The following CMYA5 variants were observed in gnomAD, a reference collection of about 807,000 sequenced individuals.
CMYA5 encodes cardiomyopathy-associated protein 5.
Under a neutral mutation model 318.9 loss-of-function variants are expected in CMYA5, and 246 were observed. The ratio of observed to expected loss-of-function variants is 0.77; its 90% CI spans 0.70 to 0.86. CMYA5 has a LOEUF of 0.86. CMYA5 is among the 40% of genes least tolerant of loss of function. CMYA5 has a pLI of 0.00. For synonymous variants in CMYA5, 1,641 were observed against 1,729.5 expected, an observed-to-expected ratio of 0.95 and a Z score of 1.27; for missense variants, 4,589 against 4,678.2, an observed-to-expected ratio of 0.98 and a Z score of 0.56.
intron 11 of CMYA5, among the ~76,000 whole-genome samples, chr5:79,792,074 T>C (rs150961999): frequency 6.6e-6 from 1 of 152,218 alleles, no homozygotes; most frequent in Admixed American, 6.5e-5. Flanking sequence ...CCCTGTCACA[T>C]TGCTACTTGC....
intron 1 of CMYA5, among the ~76,000 whole-genome samples, chr5:79,693,807 T>C (rs544260972): frequency 6.6e-6 from 1 of 152,270 alleles, no homozygotes; most frequent in Admixed American, 6.5e-5. Context: ...ATGAATAAGG[T>C]CTCTGCCCTG....
At chr5:79,743,569 G>C (rs1191746704) in intron 2 of CMYA5, among the ~76,000 whole-genome samples, 4 of 150,828 alleles carry the variant, frequency 2.7e-5, no homozygotes, top group Non-Finnish European at 5.9e-5. Flanking sequence ...TATCAAGAAA[G>C]TCCATTCTTT....
In CMYA5 at chr5:79,730,796, G is replaced by A. The variant is rs1362799861; in HGVS notation, c.2031G>A (p.Met677Ile). Residue 677 changes from methionine (M) to isoleucine (I), a missense_variant, in exon 2 of 13, where the codon ATG becomes ATA. Physicochemically the swap from Met to Ile is conservative, Grantham distance 10 (BLOSUM62 1). Coordinates refer to ENST00000446378, the MANE Select transcript of CMYA5 (RefSeq NM_153610.5). ...PLFSTVTPEY[M>I]VLSGDEASES... ...TTTCAACAGTTACACCAGAATACAT[G>A]GTCCTATCAGGAGACGAGGCCTCAG... 1.2e-6 allele frequency: 2 copies of A among 1,613,818 alleles called. No individual in the cohort carries two copies.
chr5:79,791,175 C>T (rs1829171948), intron 11 of CMYA5, 106 bp downstream of exon 11: 6 of 711,072 alleles, frequency 8.4e-6, no homozygotes, highest in Non-Finnish European at 1.5e-5. Context: ...GTGCAGTGAA[C>T]ATGTCGGGAT....
In CMYA5 at chr5:79,732,905, C is replaced by T; in HGVS notation, c.4140C>T (p.Ile1380=). 1 of 1,613,762 alleles carries T rather than the reference C, an allele frequency of 6.2e-7. No individual in the cohort carries two copies. Among genetic ancestry groups the T allele is most frequent in the Non-Finnish European group, 8.5e-7 (1 of 1,179,804 alleles). ...AAATCCCAACAGATTCATCTCTTAT[C>T]ACTCCTGTAGATCGTCCAGTCTTAA... is the stretch of plus-strand genomic sequence containing the variant. ...KEEIPTDSSL[I]TPVDRPVLTK... is the part of the protein sequence containing the mutation. Residue 1380 remains isoleucine, a synonymous_variant, in exon 2 of 13, where the codon ATC becomes ATT. Coordinates refer to ENST00000446378, the MANE Select transcript of CMYA5 (RefSeq NM_153610.5).
chr5:79,720,857 G>A (rs1327331512), intron 1 of CMYA5, among the ~76,000 whole-genome samples: 1 of 152,178 alleles, frequency 6.6e-6, no homozygotes, highest in African/African-American at 2.4e-5. Context: ...AATACTAAAG[G>A]GAGGAGGAAA....
chr5:79,771,086 A>C (rs558185561), intron 9 of CMYA5, among the ~76,000 whole-genome samples: 182 of 150,910 alleles, frequency 1.2e-3, no homozygotes, highest in African/African-American at 4.3e-3. Flanking sequence ...AAAAAAAAAA[A>C]CCAGACTTTT....
At chr5:79,740,015 TAAC>T (rs1316314732) in intron 2 of CMYA5, among the ~76,000 whole-genome samples, 1 of 151,856 alleles carries the variant, frequency 6.6e-6, no homozygotes, top group African/African-American at 2.4e-5. Context: ...TAAATAAAAA[TAAC>T]AGCAATAAAA....
chr5:79,725,291 G>A (rs2151082744), intron 1 of CMYA5, among the ~76,000 whole-genome samples: 1 of 152,318 alleles, frequency 6.6e-6, no homozygotes, highest in East Asian at 1.9e-4. Flanking sequence ...CCATAAATAA[G>A]AATTAAATCA....
intron 1 of CMYA5, among the ~76,000 whole-genome samples, chr5:79,690,646 T>G (rs971665474): frequency 1.3e-5 from 2 of 152,168 alleles, no homozygotes; most frequent in Admixed American, 6.5e-5. Flanking sequence ...GTACAAAAGA[T>G]GCACCTCCCA....
chr5:79,728,289 G>A (rs752390662), intron 1 of CMYA5, among the ~76,000 whole-genome samples: 7 of 151,954 alleles, frequency 4.6e-5, no homozygotes, highest in Non-Finnish European at 1.0e-4. Context: ...ATGTCAGATA[G>A]GGATTAGAGA....
intron 5 of CMYA5, among the ~76,000 whole-genome samples, chr5:79,748,496 C>CCTAT (rs1365625840): frequency 5.4e-4 from 78 of 144,762 alleles, no homozygotes; most frequent in East Asian, 1.4e-3. Context: ...TTCCGAGTTC[C>CCTAT]CTATCTATCT....
At chr5:79,789,188 C>T in intron 10 of CMYA5, 84 bp downstream of exon 10, 4 of 1,469,578 alleles carry the variant, frequency 2.7e-6, no homozygotes, top group Non-Finnish European at 3.7e-6. Flanking sequence ...TAGAGGGCAA[C>T]TTTATAAACT....
At position 79,732,136 on chromosome 5, in the gene CMYA5, A is replaced by G. The variant is rs746515453; in HGVS notation, c.3371A>G (p.Glu1124Gly). 2.2e-5 allele frequency: 35 copies of G among 1,613,842 alleles called. No individual in the cohort carries two copies. Among genetic ancestry groups the G allele is most frequent in the Non-Finnish European group, 2.8e-5 (33 of 1,179,872 alleles). Residue 1124 changes from glutamate (E) to glycine (G), a missense_variant, in exon 2 of 13, where the codon GAA becomes GGA. Coordinates refer to ENST00000446378, the MANE Select transcript of CMYA5 (RefSeq NM_153610.5). Reference protein sequence around the residue: ...KTQAYLEPESEDLIPSHLTSE... With the variant: ...KTQAYLEPESGDLIPSHLTSE... The stretch of plus-strand genomic sequence containing the variant: ...CAAGCATATTTAGAGCCTGAGTCTG[A>G]AGACTTGATTCCTTCACATTTAACC...
intron 9 of CMYA5, among the ~76,000 whole-genome samples, chr5:79,764,148 C>T (rs1828706503): frequency 6.6e-6 from 1 of 152,006 alleles, no homozygotes; most frequent in South Asian, 2.1e-4. Flanking sequence ...CTATCCCTCC[C>T]CTACCCCCCT....
At position 79,731,592 on chromosome 5, in the gene CMYA5, G is replaced by A. The variant is rs747537500; in HGVS notation, c.2827G>A (p.Gly943Arg). The change falls in exon 2 of 13, where the codon GGA becomes AGA. Residue 943 changes from glycine to arginine, a missense_variant. Gly to Arg is a moderately radical substitution (Grantham distance 125). This residue lies in a region of CMYA5 where 2,132 missense variants were observed against 2,131.3 expected (regional missense o/e 1.00). Transcript: ENST00000446378. ...ATCAGAAGAAGATCAAGAAGACATTGGACCTTTTTCTCCAGATTCTGCATT... is the reference window on the plus strand; with the variant it reads ...ATCAGAAGAAGATCAAGAAGACATTAGACCTTTTTCTCCAGATTCTGCATT... ...NLSEEDQEDI[G>R]PFSPDSAFVS... is the part of the protein sequence containing the mutation. 1 of 1,613,362 alleles carries A rather than the reference G, an allele frequency of 6.2e-7. No individual in the cohort carries two copies. Among genetic ancestry groups the A allele is most frequent in the Non-Finnish European group, 8.5e-7 (1 of 1,179,628 alleles).
chr5:79,787,921 T>G (rs1203478563), intron 9 of CMYA5, among the ~76,000 whole-genome samples: 3 of 147,808 alleles, frequency 2.0e-5, no homozygotes, highest in Admixed American at 7.2e-5. Context: ...TCAGCAAAAG[T>G]AGAAATAACC....
chr5:79,761,774 G>A, intron 7 of CMYA5, 37 bp from the exon 8 acceptor site: 4 of 1,580,610 alleles, frequency 2.5e-6, no homozygotes, highest in Non-Finnish European at 3.4e-6. Flanking sequence ...AATTAACTTT[G>A]GAAGATGTCT....
chr5:79,696,260 G>A (rs1046314610), intron 1 of CMYA5, among the ~76,000 whole-genome samples: 13 of 152,198 alleles, frequency 8.5e-5, no homozygotes, highest in African/African-American at 2.4e-5. Context: ...CGCCTTCTGT[G>A]ACTTGTCAGA....
Sources: gnomAD v4.1 joint callset for allele counts (sites outside exome capture counted in the v4.1 genomes callset) on GRCh38, gnomAD v4.1.1 for gene constraint, gnomAD v4.1.1 regional missense constraint, MANE v1.5 for transcripts, NCBI Gene and HGNC (gene_info 2026-07-23, HGNC 2026-07-21) for gene names.